The following RMDN2 variants were observed in gnomAD, a reference collection of about 807,000 sequenced individuals.
RMDN2 encodes regulator of microtubule dynamics 2, also known as regulator of microtubule dynamics protein 2.
Under a neutral mutation model 52.8 loss-of-function variants are expected in RMDN2, and 61 were observed. The ratio of observed to expected loss-of-function variants is 1.16; its 90% CI spans 0.94 to 1.43. RMDN2 has a LOEUF of 1.43. Among genes scored for constraint, RMDN2 ranks in the 40% most tolerant of loss-of-function variants. The pLI is 0.00. For missense variants in RMDN2, 592 were observed against 475.3 expected, an observed-to-expected ratio of 1.25 and a Z score of -2.28; for synonymous variants, 180 against 153.1, an observed-to-expected ratio of 1.18 and a Z score of -1.30.
chr2:38,015,005 T>G (rs1284069085), intron 10 of RMDN2, among the ~76,000 whole-genome samples: 1 of 152,216 alleles, frequency 6.6e-6, no homozygotes, highest in South Asian at 2.1e-4. Context: ...TCTAAGGAAA[T>G]TAGAATTTAA....
chr2:37,968,438 C>CAAAAA (rs71400332), intron 2 of RMDN2, among the ~76,000 whole-genome samples: 96 of 88,934 alleles, frequency 1.1e-3, no homozygotes, highest in Non-Finnish European at 1.3e-3. Context: ...GACTCTGTCT[C>CAAAAA]AAAAAAAAAA....
chr2:38,023,798 A>G (rs1335189734), intron 10 of RMDN2, among the ~76,000 whole-genome samples: 1 of 152,218 alleles, frequency 6.6e-6, no homozygotes, highest in Non-Finnish European at 1.5e-5. Flanking sequence ...TACAATTGAC[A>G]TACAAAAAAA....
At chr2:38,023,140 C>T (rs1207134767) in intron 10 of RMDN2, among the ~76,000 whole-genome samples, 1 of 152,130 alleles carries the variant, frequency 6.6e-6, no homozygotes, top group East Asian at 1.9e-4. Context: ...TGATATTACC[C>T]CATTTAAGAT....
intron 2 of RMDN2, among the ~76,000 whole-genome samples, chr2:37,973,185 C>T (rs945224918): frequency 2.0e-5 from 3 of 151,962 alleles, no homozygotes; most frequent in Admixed American, 2.0e-4. Context: ...TCCTTGTATA[C>T]CTCCTTAAAA....
rs865891552 is a variant in RMDN2, at chr2:37,982,829, A to G, written c.791+1486A>G. ...CCTAGATAATCTAATTTACATAATA[A>G]CACTAGTAAATTAACATATATGTTA... On this transcript the variant is annotated intron_variant, in intron 5 of 10. Coordinates refer to ENST00000354545, the MANE Select transcript of RMDN2 (RefSeq NM_001170791.3). Among the ~76,000 whole-genome samples the G allele has an allele frequency of 9.2e-5, 14 of 152,324 alleles. No homozygotes were observed. In the Middle Eastern group the frequency reaches 0.01, roughly 111 times the overall value.
chr2:37,922,256 T>C (rs1666052245), upstream of RMDN2, among the ~76,000 whole-genome samples: 1 of 152,194 alleles, frequency 6.6e-6, no homozygotes, highest in South Asian at 2.1e-4. Context: ...GCCTTCAGTT[T>C]ACAAATTAAG....
Position 38,010,687 on chromosome 2 carries a change from G to A in RMDN2, c.1179+6471G>A, listed in dbSNP as rs145214440. Among the ~76,000 whole-genome samples, 670 of 152,202 alleles carry A rather than the reference G, an allele frequency of 4.4e-3. 5 individuals carry two copies. The highest frequency in any genetic ancestry group is 0.018 in the East Asian group (94 of 5,180). On this transcript the variant is annotated intron_variant, in intron 10 of 10. Transcript: ENST00000354545. ...GTGAGGCAATGTCTTGCCCAGCTTC[G>A]GCTCATGCTCGGTGCACTGCAGCCA... is the stretch of plus-strand genomic sequence containing the variant.
At chr2:37,944,160 T>C (rs934948540) in intron 2 of RMDN2, among the ~76,000 whole-genome samples, 1 of 152,142 alleles carries the variant, frequency 6.6e-6, no homozygotes, top group African/African-American at 2.4e-5. Flanking sequence ...TTAGTTTTAG[T>C]TTTCATAACC....
intron 10 of RMDN2, among the ~76,000 whole-genome samples, chr2:38,013,233 G>T (rs759027148): frequency 1.3e-5 from 2 of 152,324 alleles, no homozygotes; most frequent in South Asian, 4.1e-4. Context: ...TTTGCCTGGA[G>T]GCAGTATTAA....
intron 5 of RMDN2, among the ~76,000 whole-genome samples, chr2:37,985,375 GTTTT>G (rs1306375523): frequency 3.7e-5 from 2 of 54,422 alleles, no homozygotes; most frequent in African/African-American, 1.2e-4. Flanking sequence ...GAAATGATCT[GTTTT>G]TTATTTATTT....
At chr2:37,934,546 T>A (rs1365488978) in intron 2 of RMDN2, among the ~76,000 whole-genome samples, 1 of 152,120 alleles carries the variant, frequency 6.6e-6, no homozygotes, top group East Asian at 1.9e-4. Flanking sequence ...TTATTTATAT[T>A]TTATTTTTTA....
intron 5 of RMDN2, among the ~76,000 whole-genome samples, chr2:37,983,313 T>C (rs1413497614): frequency 6.6e-6 from 1 of 152,234 alleles, no homozygotes; most frequent in Non-Finnish European, 1.5e-5. Context: ...AAATGTATCT[T>C]GTGAGCATAG....
rs987424611 is a variant in RMDN2 at position 38,012,624 on chromosome 2, T to G, written c.1180-4562T>G. The G allele has an allele frequency of 5.1e-5, 24 of 467,006 alleles. No individual in the cohort carries two copies. The Admixed American group carries it at 5.3e-4, about 10-fold the overall frequency. 28.9% of individuals were successfully genotyped at this position (467,006 alleles called of 1,614,324 possible). A position where few individuals can be genotyped will look rare whatever the true frequency, so the allele number is the denominator to read the frequency against. ...TCAGTGATGTCTCCATTTGTATTCT[T>G]AGCAATTTTTTTCCAAGTAGTAAAG... On this transcript the variant is annotated intron_variant, in intron 10 of 10. Transcript: ENST00000354545.
intron 2 of RMDN2, among the ~76,000 whole-genome samples, chr2:37,941,717 G>C (rs755063628): frequency 6.6e-6 from 1 of 152,106 alleles, no homozygotes; most frequent in African/African-American, 2.4e-5. Flanking sequence ...GCCTACTCAC[G>C]CCTCAGTAAT....
chr2:38,017,010 A>G (rs1364629571), intron 10 of RMDN2, among the ~76,000 whole-genome samples, 176 bp from the exon 11 acceptor site: 1 of 152,218 alleles, frequency 6.6e-6, no homozygotes, highest in Non-Finnish European at 1.5e-5. Context: ...AAAAAATAAT[A>G]AAACACTGTC....
chr2:37,925,366 G>C lies in RMDN2; in HGVS notation c.-76G>C, dbSNP rs6719979. The C allele has an allele frequency of 0.31, 46,463 of 152,214 alleles. 7,269 individuals carry two copies. Among genetic ancestry groups the C allele is most frequent in the African/African-American group, 0.37 (15,144 of 41,470 alleles). The allele number at this position is 152,214 out of a possible 1,614,324, so 9.4% of individuals were successfully genotyped here. A position where few individuals can be genotyped will look rare whatever the true frequency, so the allele number is the denominator to read the frequency against. The stretch of plus-strand genomic sequence containing the variant: ...AGGGCTACTGTCCGTCCGCCACTGC[G>C]CGCCAGCAGGTCCTGGTCTCCGCTC... On this transcript the variant is annotated 5_prime_UTR_variant, in exon 1 of 11. Transcript: ENST00000354545.
intron 10 of RMDN2, among the ~76,000 whole-genome samples, chr2:38,052,225 A>T (rs1332393784): frequency 6.6e-6 from 1 of 152,160 alleles, no homozygotes; most frequent in African/African-American, 2.4e-5. Context: ...CTGTGGTAAG[A>T]TGATATCTCA....
At chr2:37,982,678 T>G (rs965875321) in intron 5 of RMDN2, among the ~76,000 whole-genome samples, 2 of 152,188 alleles carry the variant, frequency 1.3e-5, no homozygotes, top group African/African-American at 4.8e-5. Context: ...AGTATTGTTT[T>G]GTACTCGGTG....
At position 38,043,591 on chromosome 2, in the gene RMDN2, T is replaced by C. The variant is rs1446960271; in HGVS notation, c.1714-23391T>C. ...TTTCATCTTCCCCTCTTCTTCTGCC[T>C]TCTCTGGCTTTGAGTATTTTATATG... On this transcript the variant is annotated intron_variant, in intron 10 of 10. Transcript: ENST00000234195. Among the ~76,000 whole-genome samples the C allele has an allele frequency of 3.3e-5, 5 of 152,274 alleles. No individual in the cohort carries two copies. In the East Asian group the frequency reaches 7.7e-4, roughly 23 times the overall value.
Sources: allele counts gnomAD v4.1 joint callset (sites outside exome capture counted in the v4.1 genomes callset), GRCh38; gene constraint gnomAD v4.1.1; transcripts MANE v1.5; gene names NCBI Gene and HGNC (gene_info 2026-07-23, HGNC 2026-07-21).